STAC: variants seen among roughly 807,000 people sequenced by gnomAD.
STAC encodes SH3 and cysteine-rich domain-containing protein.
STAC carries 43 observed loss-of-function variants against 48.8 expected under a neutral mutation model. The ratio of observed to expected loss-of-function variants is 0.88; its 90% confidence interval spans 0.69 to 1.14. STAC has a LOEUF of 1.14. Among genes scored for constraint, STAC ranks in the 50% most tolerant of loss-of-function variants. The probability of loss-of-function intolerance (pLI) is 0.00; values close to 1 mark genes in which losing one functional copy is unlikely to be tolerated. For synonymous variants in STAC, 193 were observed against 179.5 expected, an observed-to-expected ratio of 1.07 and a Z score of -0.60; for missense variants, 497 against 504.0, an observed-to-expected ratio of 0.99 and a Z score of 0.13.
At chr3:36,526,597 T>C (rs1698941527) in intron 8 of STAC, among the ~76,000 whole-genome samples, 1 of 152,202 alleles carries the variant, frequency 6.6e-6, no homozygotes, top group Non-Finnish European at 1.5e-5. Context: ...TGTGGCTGTT[T>C]ATCACACAGC....
At chr3:36,525,367 G>A (rs781363637) in intron 8 of STAC, among the ~76,000 whole-genome samples, 2 of 152,150 alleles carry the variant, frequency 1.3e-5, no homozygotes, top group Non-Finnish European at 2.9e-5. Flanking sequence ...ATTATAGCCT[G>A]TTATCCCAGT....
At chr3:36,417,459 A>G (rs1700345531) in intron 1 of STAC, among the ~76,000 whole-genome samples, 1 of 152,068 alleles carries the variant, frequency 6.6e-6, no homozygotes, top group South Asian at 2.1e-4. Context: ...AAACACACAC[A>G]CACGTATATA....
At position 36,459,031 on chromosome 3, in the gene STAC, T is replaced by G. The variant is rs184410180; in HGVS notation, c.388+15391T>G. Reference sequence around the variant, plus strand: ...GCTTTAACATATCTCCCTGACAAAATTCTCTGAAACTAAAATTCAGCAAGT... The same window carrying G: ...GCTTTAACATATCTCCCTGACAAAAGTCTCTGAAACTAAAATTCAGCAAGT... On this transcript the variant is annotated intron_variant, in intron 2 of 10. Coordinates refer to ENST00000273183, the MANE Select transcript of STAC (RefSeq NM_003149.3). Among the ~76,000 whole-genome samples the G allele has an allele frequency of 1.8e-4, 28 of 152,214 alleles. No individual in the cohort carries two copies. In the East Asian group the frequency reaches 5.0e-3, roughly 27 times the overall value.
intron 6 of STAC, among the ~76,000 whole-genome samples, chr3:36,498,223 A>G (rs1698193829): frequency 6.6e-6 from 1 of 152,214 alleles, no homozygotes; most frequent in Admixed American, 6.5e-5. Flanking sequence ...AGAAGTAAAC[A>G]GGCAAGCTTG....
intron 1 of STAC, among the ~76,000 whole-genome samples, chr3:36,434,441 A>G (rs539476399): frequency 6.6e-6 from 1 of 152,360 alleles, no homozygotes; most frequent in African/African-American, 2.4e-5. Context: ...GTGAGTAGCA[A>G]GGAGGAAACA....
intron 2 of STAC, among the ~76,000 whole-genome samples, chr3:36,476,061 AAAG>A (rs1697483610): frequency 6.6e-6 from 1 of 152,258 alleles, no homozygotes. Context: ...GGGGCCACGT[AAAG>A]AAGTCCATGT....
Position 36,380,511 on chromosome 3 carries a change from A to G in STAC, c.-133A>G. On this transcript the variant is annotated 5_prime_UTR_variant, in exon 1 of 11. Transcript: ENST00000273183. Reference sequence around the variant, plus strand: ...AGAGGGAGCGAGGCTGGAGGAGGGCACGTCGGCGCCTCGGCGAGGATGGGA... The same window carrying G: ...AGAGGGAGCGAGGCTGGAGGAGGGCGCGTCGGCGCCTCGGCGAGGATGGGA... The G allele has an allele frequency of 1.5e-6, 1 of 647,600 alleles. No individual in the cohort carries two copies. Among genetic ancestry groups the G allele is most frequent in the Non-Finnish European group, 2.7e-6 (1 of 371,978 alleles). The allele number at this position is 647,600 out of a possible 1,614,324, so 40.1% of individuals were successfully genotyped here. A position where few individuals can be genotyped will look rare whatever the true frequency, so the allele number is the denominator to read the frequency against.
intron 2 of STAC, among the ~76,000 whole-genome samples, chr3:36,475,082 A>G (rs534767281): frequency 6.8e-6 from 1 of 147,176 alleles, no homozygotes; most frequent in South Asian, 2.2e-4. Context: ...TTTTTTCCTC[A>G]ATTCATTTTT....
chr3:36,509,230 T>G (rs906647357), intron 8 of STAC, among the ~76,000 whole-genome samples: 3 of 152,234 alleles, frequency 2.0e-5, no homozygotes, highest in Admixed American at 1.3e-4. Context: ...TCTTTAAGAA[T>G]GTTGAATATT....
In STAC at chr3:36,533,475, G is replaced by GTT. The variant is rs58981589; in HGVS notation, c.1110+4516_1110+4517dup. 1.8e-3 allele frequency among the ~76,000 whole-genome samples: 109 copies of GTT among 61,430 alleles called. 8 individuals are homozygous for GTT. The highest frequency in any genetic ancestry group is 5.5e-3 in the South Asian group (7 of 1,272). The allele number at this position is 61,430 out of a possible 152,430, so 40.3% of individuals were successfully genotyped here. A position where few individuals can be genotyped will look rare whatever the true frequency, so the allele number is the denominator to read the frequency against. ...TGTTACTCAATAATCTTGCTAGCATGTTTTTTTTTTTTTTTTTTTTTTTTT... is the reference window on the plus strand; with the variant it reads ...TGTTACTCAATAATCTTGCTAGCATGTTTTTTTTTTTTTTTTTTTTTTTTTTT... On this transcript the variant is annotated intron_variant, in intron 10 of 10. Transcript: ENST00000273183.
intron 2 of STAC, among the ~76,000 whole-genome samples, chr3:36,451,100 C>T (rs1014756060): frequency 6.6e-6 from 1 of 152,158 alleles, no homozygotes; most frequent in Admixed American, 6.5e-5. Flanking sequence ...TTATGATTTA[C>T]ATGCTTTCTA....
chr3:36,442,810 C>A (rs1696389040), intron 1 of STAC, among the ~76,000 whole-genome samples: 1 of 143,334 alleles, frequency 7.0e-6, no homozygotes, highest in Non-Finnish European at 1.5e-5. Context: ...ACAGAGGTTA[C>A]TTATCCATAT....
At chr3:36,444,845 T>C (rs1237852082) in intron 2 of STAC, among the ~76,000 whole-genome samples, 2 of 152,164 alleles carry the variant, frequency 1.3e-5, no homozygotes. Context: ...CACATCTCCA[T>C]ACGGACTTAA....
intron 8 of STAC, among the ~76,000 whole-genome samples, chr3:36,509,221 C>T (rs1476380930): frequency 6.6e-6 from 1 of 152,136 alleles, no homozygotes; most frequent in African/African-American, 2.4e-5. Flanking sequence ...AAATTCTTTT[C>T]TTTAAGAATG....
intron 1 of STAC, among the ~76,000 whole-genome samples, chr3:36,405,284 A>C (rs949636003): frequency 2.0e-5 from 3 of 152,136 alleles, no homozygotes; most frequent in Non-Finnish European, 2.9e-5. Context: ...TTACTGTGCC[A>C]CACTCCCCAA....
At chr3:36,402,413 G>A (rs557392094) in intron 1 of STAC, among the ~76,000 whole-genome samples, 1 of 152,128 alleles carries the variant, frequency 6.6e-6, no homozygotes, top group Non-Finnish European at 1.5e-5. Flanking sequence ...ATACGATCTT[G>A]TATGCATTAT....
At chr3:36,497,745 A>T (rs1339786343) in intron 6 of STAC, among the ~76,000 whole-genome samples, 4 of 152,108 alleles carry the variant, frequency 2.6e-5, no homozygotes, top group African/African-American at 9.7e-5. Context: ...CAGGCAGAAA[A>T]AAGGAAGGGA....
In STAC at chr3:36,486,202, A is replaced by G; in HGVS notation, c.640A>G (p.Lys214Glu). 6 of 1,613,956 alleles carry G rather than the reference A, an allele frequency of 3.7e-6. No homozygotes were observed. The highest frequency in any genetic ancestry group is 5.1e-6 in the Non-Finnish European group (6 of 1,179,924). ...CGGCACCTCCCTGGCCCAGAGGACA[A>G]AGAAGGGCAGCTCCGGCAGTGGCTC... Reference protein sequence around the residue: ...RFGTSLAQRTKKGSSGSGSDS... With the variant: ...RFGTSLAQRTEKGSSGSGSDS... Residue 214 changes from lysine (K) to glutamate (E), a missense_variant, in exon 5 of 11, where the codon AAG becomes GAG. Lys to Glu is a moderately conservative substitution (Grantham distance 56, BLOSUM62 1). Transcript: ENST00000273183.
intron 2 of STAC, among the ~76,000 whole-genome samples, chr3:36,445,812 G>A (rs1696494205): frequency 6.6e-6 from 1 of 152,166 alleles, no homozygotes; most frequent in South Asian, 2.1e-4. Flanking sequence ...GGGAACCAAA[G>A]GCTGTATAAT....
Sources: gnomAD v4.1 joint callset for allele counts (sites outside exome capture counted in the v4.1 genomes callset) on GRCh38, gnomAD v4.1.1 for gene constraint, MANE v1.5 for transcripts, NCBI Gene and HGNC (gene_info 2026-07-23, HGNC 2026-07-21) for gene names.